Variants in COL5A2 observed in about 807,000 individuals in gnomAD.
COL5A2 encodes collagen type V alpha 2 chain, also known as collagen alpha-2(V) chain.
In COL5A2, 23 loss-of-function variants were observed where a neutral mutation model predicts 208.2. The ratio of observed to expected loss-of-function variants is 0.11; its 90% CI spans 0.08 to 0.16. COL5A2 has a LOEUF of 0.16. Among genes scored for constraint, COL5A2 ranks in the 10% least tolerant of loss-of-function variants. The pLI, the probability that COL5A2 is intolerant of heterozygous loss-of-function variation, is 1.00. For missense variants in COL5A2, 1,590 were observed against 1,956.4 expected (o/e 0.81, Z 3.53); for synonymous variants, 625 against 628.5 (o/e 0.99, Z 0.08).
In COL5A2 at chr2:189,057,395, A is replaced by G. The variant is rs747489919; in HGVS notation, c.2262T>C (p.Asp754=). ...GSPGPSGTPG[D]TGPPGLQGMP... ...TACCTTGAAGACCTGGTGGGCCTGT[A>G]TCTCCAGGGGTCCCAGATGGACCTG... is the stretch of plus-strand genomic sequence containing the variant. Residue 754 remains aspartate (D), a synonymous_variant, in exon 34 of 54, where the codon GAT becomes GAC. Transcript: ENST00000374866. 6.2e-7 allele frequency: 1 copy of G among 1,612,934 alleles called. No individual in the cohort carries two copies. Among genetic ancestry groups the G allele is most frequent in the South Asian group, 1.1e-5 (1 of 91,030 alleles).
chr2:189,105,928 C>T lies in COL5A2; in HGVS notation c.323-1651G>A, dbSNP rs56408385. ...ATAATTCTTCTTTTCTCCACTGCTA[C>T]GATGCCATCTTTATTGTATTCAATC... is the stretch of plus-strand genomic sequence containing the variant. On this transcript the variant is annotated intron_variant, in intron 2 of 53. Transcript: ENST00000374866. Among the ~76,000 whole-genome samples, 24 of 151,388 alleles carry T rather than the reference C, an allele frequency of 1.6e-4. No homozygotes were observed. The South Asian group carries it at 2.7e-3, about 17-fold the overall frequency.
chr2:189,075,162 T>C (rs1686377497), intron 17 of COL5A2, among the ~76,000 whole-genome samples: 1 of 152,160 alleles, frequency 6.6e-6, no homozygotes, highest in Admixed American at 6.6e-5. Context: ...TGAAAGTTGT[T>C]CCCATAACTG....
chr2:189,130,752 C>T lies in COL5A2; in HGVS notation c.98-20303G>A, dbSNP rs1687693886. 2.6e-5 allele frequency among the ~76,000 whole-genome samples: 4 copies of T among 151,876 alleles called. 1 individual carries two copies. The South Asian group carries it at 8.3e-4, about 31-fold the overall frequency. ...ATGAAATATTAGAGTATAAACCAGT[C>T]TACAAACCTACCTTTTACACAAGTG... On this transcript the variant is annotated intron_variant, in intron 1 of 53. Transcript: ENST00000374866.
intron 1 of COL5A2, among the ~76,000 whole-genome samples, chr2:189,120,647 A>G (rs553565350): frequency 1.2e-4 from 18 of 152,342 alleles, no homozygotes; most frequent in Non-Finnish European, 2.2e-4. Flanking sequence ...ATAATGAAAC[A>G]TATTTTAAAC....
At chr2:189,309,811 T>C in the COL5A2 span, among the ~76,000 whole-genome samples, 1 of 152,184 alleles carries the variant, frequency 6.6e-6, no homozygotes, top group African/African-American at 2.4e-5. Context: ...TTCTGCTAGA[T>C]CCTCTACATT....
At chr2:189,332,408 T>C in the COL5A2 span, among the ~76,000 whole-genome samples, 2 of 152,196 alleles carry the variant, frequency 1.3e-5, no homozygotes, top group Non-Finnish European at 2.9e-5. Flanking sequence ...CAAGTCCCCG[T>C]ATATTTCAAA....
the COL5A2 span, among the ~76,000 whole-genome samples, chr2:189,297,024 T>C: frequency 6.6e-6 from 1 of 152,202 alleles, no homozygotes; most frequent in South Asian, 2.1e-4. Context: ...CTATATACTC[T>C]GTGCCATGTC....
chr2:189,432,177 T>C, the COL5A2 span, among the ~76,000 whole-genome samples: 1 of 152,122 alleles, frequency 6.6e-6, no homozygotes, highest in Non-Finnish European at 1.5e-5. Context: ...AGGCCTGCCC[T>C]ACAAAGCTCC....
chr2:189,265,647 C>G, the COL5A2 span, among the ~76,000 whole-genome samples: 1 of 152,178 alleles, frequency 6.6e-6, no homozygotes, highest in African/African-American at 2.4e-5. Context: ...GGACATAATA[C>G]AACCTTCAGG....
At chr2:189,244,126 C>T in the COL5A2 span, among the ~76,000 whole-genome samples, 1 of 152,226 alleles carries the variant, frequency 6.6e-6, no homozygotes, top group African/African-American at 2.4e-5. Context: ...AAGTCTCTGT[C>T]ATGCCCTGGA....
chr2:189,151,547 C>T (rs1391408320), intron 1 of COL5A2, among the ~76,000 whole-genome samples: 5 of 152,066 alleles, frequency 3.3e-5, no homozygotes, highest in Non-Finnish European at 7.4e-5. Flanking sequence ...CAAATAAACA[C>T]CTGACATTTA....
chr2:189,172,171 G>T (rs558973717), intron 1 of COL5A2, among the ~76,000 whole-genome samples: 4 of 152,320 alleles, frequency 2.6e-5, no homozygotes, highest in Non-Finnish European at 4.4e-5. Flanking sequence ...TAAAGACTGG[G>T]TGGGAGCTAG....
intron 1 of COL5A2, 89 bp downstream of exon 1, chr2:189,179,419 C>G: frequency 1.4e-6 from 2 of 1,452,528 alleles, no homozygotes; most frequent in Non-Finnish European, 1.9e-6. Flanking sequence ...ACCAGAACCT[C>G]CTCTTCACGC....
At chr2:189,249,728 C>T in the COL5A2 span, among the ~76,000 whole-genome samples, 4 of 152,184 alleles carry the variant, frequency 2.6e-5, no homozygotes, top group African/African-American at 9.7e-5. Context: ...CGGAGTTTCA[C>T]TCTTGTCACT....
At chr2:189,078,220 GAC>G (rs1202348721) in intron 16 of COL5A2, among the ~76,000 whole-genome samples, 1 of 151,862 alleles carries the variant, frequency 6.6e-6, no homozygotes, top group Non-Finnish European at 1.5e-5. Context: ...TTTTTCTATG[GAC>G]TATATTCCAT....
chr2:189,405,216 T>C, the COL5A2 span, among the ~76,000 whole-genome samples: 1 of 144,246 alleles, frequency 6.9e-6, no homozygotes, highest in Non-Finnish European at 1.5e-5. Flanking sequence ...TAGATATTTA[T>C]TTTTAATTAA....
chr2:189,068,602 G>A lies in COL5A2; in HGVS notation c.1257+184C>T, dbSNP rs113079931. ...CATAGAAGTGATATATGCTCAATGG[G>A]ATGGATATCTTAAATACCCTGACTT... On this transcript the variant is annotated intron_variant, in intron 19 of 53. Coordinates refer to ENST00000374866, the MANE Select transcript of COL5A2 (RefSeq NM_000393.5). Among the ~76,000 whole-genome samples the A allele has an allele frequency of 7.5e-4, 114 of 152,214 alleles. 1 individual carries two copies. The highest frequency in any genetic ancestry group is 2.6e-3 in the African/African-American group (110 of 41,556).
chr2:189,156,378 A>G (rs1262633028), intron 1 of COL5A2, among the ~76,000 whole-genome samples: 1 of 152,174 alleles, frequency 6.6e-6, no homozygotes, highest in Non-Finnish European at 1.5e-5. Flanking sequence ...GTTTTGATAT[A>G]TACTGACAAC....
chr2:189,057,604 C>A (rs576259796), intron 33 of COL5A2, among the ~76,000 whole-genome samples, 177 bp from the exon 34 acceptor site: 53 of 152,146 alleles, frequency 3.5e-4, no homozygotes, highest in Middle Eastern at 3.4e-3. Context: ...ATTAAAAAAA[C>A]CAGATTTTGT....
Sources: allele counts gnomAD v4.1 joint callset (sites outside exome capture counted in the v4.1 genomes callset), GRCh38; gene constraint gnomAD v4.1.1; transcripts MANE v1.5; gene names NCBI Gene and HGNC (gene_info 2026-07-23, HGNC 2026-07-21).